Variants in MEI4 observed in about 807,000 individuals in gnomAD.
MEI4 encodes meiotic double-stranded break formation protein 4, also known as meiosis-specific protein MEI4.
MEI4 carries 27 observed loss-of-function variants against 31.4 expected under a neutral mutation model. The ratio of observed to expected loss-of-function variants is 0.86; its 90% confidence interval spans 0.63 to 1.19. The LOEUF (loss-of-function observed/expected upper bound fraction) is 1.19. Ranked by LOEUF, MEI4 falls within the 50% of genes most tolerant of loss-of-function variation. The pLI is 0.00. For missense variants in MEI4, 329 were observed against 398.9 expected, an observed-to-expected ratio of 0.82 and a Z score of 1.49; for synonymous variants, 122 against 145.4, an observed-to-expected ratio of 0.84 and a Z score of 1.16.
chr6:77,919,860 G>T (rs373611757), intron 4 of MEI4, among the ~76,000 whole-genome samples: 1 of 149,828 alleles, frequency 6.7e-6, no homozygotes, highest in African/African-American at 2.4e-5. Flanking sequence ...ATCAGAGAAT[G>T]CTACAAACAC....
chr6:77,837,232 G>A lies in MEI4; in HGVS notation c.900+8170G>A, dbSNP rs555176786. Among the ~76,000 whole-genome samples the A allele has an allele frequency of 3.9e-5, 6 of 152,136 alleles. No individual in the cohort carries two copies. The South Asian group carries it at 1.0e-3, about 26-fold the overall frequency. On this transcript the variant is annotated intron_variant, in intron 4 of 4. Transcript: ENST00000684080. ...GATAAACTAAATCAAATGATAAAGTGCATGAACTTTAGAATCAGATGTCTA... is the reference window on the plus strand; with the variant it reads ...GATAAACTAAATCAAATGATAAAGTACATGAACTTTAGAATCAGATGTCTA...
chr6:77,755,388 T>C (rs984581610), intron 2 of MEI4, among the ~76,000 whole-genome samples: 5 of 152,122 alleles, frequency 3.3e-5, no homozygotes, highest in Non-Finnish European at 7.4e-5. Context: ...ACTTAGAATA[T>C]TGTAGATGAA....
intron 3 of MEI4, among the ~76,000 whole-genome samples, chr6:77,771,294 G>T (rs1300693906): frequency 6.6e-6 from 1 of 152,052 alleles, no homozygotes; most frequent in South Asian, 2.1e-4. Flanking sequence ...AAAAACAGAT[G>T]CTGGCAAGGT....
chr6:77,666,322 G>A (rs1478185417), intron 1 of MEI4, among the ~76,000 whole-genome samples: 1 of 152,160 alleles, frequency 6.6e-6, no homozygotes, highest in Non-Finnish European at 1.5e-5. Flanking sequence ...ATAGTGGAAT[G>A]TCATCAGTTA....
intron 3 of MEI4, among the ~76,000 whole-genome samples, chr6:77,799,664 T>G (rs1479058791): frequency 6.6e-6 from 1 of 152,160 alleles, no homozygotes; most frequent in Non-Finnish European, 1.5e-5. Context: ...TTGAATTAAT[T>G]TTTGTATAAG....
At chr6:77,827,142 C>T (rs952907882) in intron 3 of MEI4, among the ~76,000 whole-genome samples, 10 of 151,902 alleles carry the variant, frequency 6.6e-5, no homozygotes, top group East Asian at 3.9e-4. Context: ...GGGCAGATCA[C>T]GAGGTTAGGA....
chr6:77,898,240 A>AT (rs1409391115), intron 4 of MEI4, among the ~76,000 whole-genome samples: 1 of 151,978 alleles, frequency 6.6e-6, no homozygotes, highest in Non-Finnish European at 1.5e-5. Context: ...TCCCCTTAGA[A>AT]TTCAGGACTA....
chr6:77,666,420 G>A (rs931807812), intron 1 of MEI4, among the ~76,000 whole-genome samples: 1 of 152,198 alleles, frequency 6.6e-6, no homozygotes, highest in African/African-American at 2.4e-5. Context: ...CGATGGCTTG[G>A]CTTGGGCTCA....
intron 4 of MEI4, among the ~76,000 whole-genome samples, chr6:77,922,115 A>G (rs528267547): frequency 6.6e-6 from 1 of 151,850 alleles, no homozygotes; most frequent in African/African-American, 2.4e-5. Context: ...GCCTGTATAT[A>G]TCTTACTCTG....
At chr6:77,817,741 T>C (rs1481894106) in intron 3 of MEI4, among the ~76,000 whole-genome samples, 1 of 152,140 alleles carries the variant, frequency 6.6e-6, no homozygotes, top group Non-Finnish European at 1.5e-5. Context: ...CTAGTGTTTA[T>C]TTTACTTTTC....
chr6:77,665,940 G>A (rs1203191482), intron 1 of MEI4, among the ~76,000 whole-genome samples: 2 of 152,146 alleles, frequency 1.3e-5, no homozygotes, highest in African/African-American at 4.8e-5. Flanking sequence ...GCAAAGAACA[G>A]GAGGACAGGG....
upstream of MEI4, among the ~76,000 whole-genome samples, chr6:77,652,642 G>T (rs1322764376): frequency 2.6e-4 from 39 of 152,130 alleles, no homozygotes; most frequent in Admixed American, 2.6e-3. Context: ...GGAAGATATT[G>T]GCTATTTTTG....
intron 4 of MEI4, among the ~76,000 whole-genome samples, chr6:77,904,808 T>C (rs948628376): frequency 6.6e-6 from 1 of 152,144 alleles, no homozygotes; most frequent in Non-Finnish European, 1.5e-5. Context: ...TCTCCCCACA[T>C]TTTATGTTTT....
chr6:77,793,610 T>G (rs1768998186), intron 3 of MEI4, among the ~76,000 whole-genome samples: 1 of 152,086 alleles, frequency 6.6e-6, no homozygotes, highest in African/African-American at 2.4e-5. Flanking sequence ...CAGTATGAAA[T>G]AGTGTAAAGT....
chr6:77,759,069 T>TTTTG (rs3079764), intron 2 of MEI4, among the ~76,000 whole-genome samples: 9,626 of 152,018 alleles, frequency 0.063, 841 homozygotes, highest in African/African-American at 0.19. Flanking sequence ...GTAACTGGTG[T>TTTTG]TTTGTTTGTT....
intron 3 of MEI4, among the ~76,000 whole-genome samples, chr6:77,766,470 G>T (rs1476688290): frequency 1.3e-5 from 2 of 152,166 alleles, no homozygotes; most frequent in African/African-American, 4.8e-5. Context: ...CTGGAGTGCA[G>T]TGGCACAATC....
intron 4 of MEI4, among the ~76,000 whole-genome samples, chr6:77,914,551 T>C (rs974156019): frequency 3.9e-5 from 6 of 152,132 alleles, no homozygotes; most frequent in Non-Finnish European, 5.9e-5. Context: ...GAATAACTTA[T>C]ATTCATGGAA....
chr6:77,908,649 A>T (rs546904325), intron 4 of MEI4, among the ~76,000 whole-genome samples: 1 of 152,100 alleles, frequency 6.6e-6, no homozygotes, highest in Non-Finnish European at 1.5e-5. Flanking sequence ...TTGGTTCCAT[A>T]TGAACTTTAA....
chr6:77,689,816 TACTTTTC>T (rs1196447894), intron 1 of MEI4, among the ~76,000 whole-genome samples: 1 of 152,078 alleles, frequency 6.6e-6, no homozygotes, highest in Non-Finnish European at 1.5e-5. Flanking sequence ...TGGGTCATCT[TACTTTTC>T]ACTCTTCATC....
Sources: allele counts gnomAD v4.1 joint callset (sites outside exome capture counted in the v4.1 genomes callset), GRCh38; gene constraint gnomAD v4.1.1; transcripts MANE v1.5; gene names NCBI Gene and HGNC (gene_info 2026-07-23, HGNC 2026-07-21).